Variants in FRYL observed in about 807,000 individuals in gnomAD.
FRYL encodes the protein FRY like transcription coactivator, also known as protein furry homolog-like.
Under a neutral mutation model 351.2 loss-of-function variants are expected in FRYL, and 150 were observed. That is an observed-to-expected ratio of 0.43 (90% CI 0.37 to 0.49). The LOEUF is 0.49. Ranked by LOEUF, FRYL falls within the 20% of genes least tolerant of loss-of-function variation. The pLI, the probability that FRYL is intolerant of heterozygous loss-of-function variation, is 0.00. For missense variants in FRYL, 3,036 were observed against 3,619.3 expected (o/e 0.84, Z 4.13); for synonymous variants, 1,153 against 1,257.1 (o/e 0.92, Z 1.75).
intron 1 of FRYL, among the ~76,000 whole-genome samples, chr4:48,718,841 TCCC>T: frequency 6.6e-6 from 1 of 151,208 alleles, no homozygotes; most frequent in African/African-American, 2.4e-5. Flanking sequence ...ACCATTATGC[TCCC>T]CCAACACACA....
intron 1 of FRYL, among the ~76,000 whole-genome samples, chr4:48,758,777 A>ATAAAAAC (rs1560364234): frequency 1.3e-5 from 2 of 152,154 alleles, no homozygotes; most frequent in African/African-American, 4.8e-5. Flanking sequence ...AAGACACATG[A>ATAAAAAC]ACACGTATGT....
chr4:48,764,581 C>T (rs1360832526), intron 1 of FRYL, among the ~76,000 whole-genome samples: 5 of 150,284 alleles, frequency 3.3e-5, no homozygotes, highest in Non-Finnish European at 7.4e-5. Context: ...CATTTCTATA[C>T]ACTAACAATA....
At chr4:48,750,387 G>A (rs1203307104) in intron 1 of FRYL, among the ~76,000 whole-genome samples, 1 of 150,104 alleles carries the variant, frequency 6.7e-6, no homozygotes, top group Non-Finnish European at 1.5e-5. Flanking sequence ...CTTGAGCCTG[G>A]GAGGTTGAGG....
chr4:48,726,448 G>A (rs778268272), intron 1 of FRYL, among the ~76,000 whole-genome samples: 12 of 152,144 alleles, frequency 7.9e-5, no homozygotes, highest in Admixed American at 2.6e-4. Flanking sequence ...TTGGGAGGCC[G>A]AGGTGGGTGG....
intron 1 of FRYL, among the ~76,000 whole-genome samples, chr4:48,778,763 T>C (rs1776297323): frequency 6.6e-6 from 1 of 152,186 alleles, no homozygotes; most frequent in African/African-American, 2.4e-5. Flanking sequence ...GAATCAACTT[T>C]ACAGACGATA....
intron 13 of FRYL, among the ~76,000 whole-genome samples, chr4:48,599,299 TGATATAGA>T (rs1745227424): frequency 6.6e-6 from 1 of 152,140 alleles, no homozygotes; most frequent in African/African-American, 2.4e-5. Context: ...GCACCTAAAT[TGATATAGA>T]TATAGGAATG....
At chr4:48,761,797 A>G (rs1232719796) in intron 1 of FRYL, among the ~76,000 whole-genome samples, 3 of 152,222 alleles carry the variant, frequency 2.0e-5, no homozygotes, top group Non-Finnish European at 4.4e-5. Context: ...ACTATATCAT[A>G]CAGCCTAGAT....
At chr4:48,694,233 G>T (rs1489077432) in intron 2 of FRYL, among the ~76,000 whole-genome samples, 1 of 151,792 alleles carries the variant, frequency 6.6e-6, no homozygotes, top group Non-Finnish European at 1.5e-5. Context: ...ACACATTAAA[G>T]ATATGTTTTC....
chr4:48,595,697 G>A lies in FRYL; in HGVS notation c.1141C>T (p.Arg381Cys), dbSNP rs754934675. 4 of 1,598,026 alleles carry A rather than the reference G, an allele frequency of 2.5e-6. No homozygotes were observed. Among genetic ancestry groups the A allele is most frequent in the Non-Finnish European group, 3.4e-6 (4 of 1,168,876 alleles). ...AGTGCTGACACTATGCTCATAAGAC[G>A]ACTACAGGGAAAAAGATCTAGTCAT... ...KCESNTVTQSRLMSIVSALFP... is the reference protein window; with the variant it reads ...KCESNTVTQSCLMSIVSALFP... The change falls in exon 15 of 64, where the codon CGT becomes TGT. Residue 381 changes from arginine (R) to cysteine (C), a missense_variant and splice_region_variant. By Grantham distance (180) the Arg-to-Cys change is radical. Around this residue, in one of 7 missense-constraint regions of FRYL, gnomAD observed 457 missense variants for 566.6 expected, o/e 0.81. Transcript: ENST00000358350.
intron 1 of FRYL, among the ~76,000 whole-genome samples, chr4:48,765,132 C>T (rs1490210494): frequency 6.6e-6 from 1 of 152,092 alleles, no homozygotes; most frequent in African/African-American, 2.4e-5. Flanking sequence ...TGTGAGCCAC[C>T]ATGCCCAGCC....
intron 1 of FRYL, among the ~76,000 whole-genome samples, chr4:48,763,106 TAAAAA>T (rs10683757): frequency 2.2e-4 from 20 of 91,534 alleles, no homozygotes; most frequent in African/African-American, 3.7e-4. Context: ...TACAGATCTG[TAAAAA>T]AAAAAAAAAA....
intron 1 of FRYL, among the ~76,000 whole-genome samples, chr4:48,779,543 C>T (rs1208144781): frequency 6.6e-6 from 1 of 151,932 alleles, no homozygotes; most frequent in Non-Finnish European, 1.5e-5. Flanking sequence ...CCCGCCGGGG[C>T]CCGCCAGCCG....
At chr4:48,778,351 G>A (rs1453027133) in intron 1 of FRYL, among the ~76,000 whole-genome samples, 1 of 151,378 alleles carries the variant, frequency 6.6e-6, no homozygotes, top group Non-Finnish European at 1.5e-5. Context: ...AAAAAAACTG[G>A]GTCACATGTT....
intron 24 of FRYL, among the ~76,000 whole-genome samples, 183 bp downstream of exon 24, chr4:48,575,847 A>G (rs373380914): frequency 3.9e-5 from 6 of 152,240 alleles, no homozygotes; most frequent in African/African-American, 1.4e-4. Flanking sequence ...TGTACGTATT[A>G]TTGATTCCAA....
intron 1 of FRYL, among the ~76,000 whole-genome samples, chr4:48,767,190 T>TA (rs758621986): frequency 1.3e-4 from 19 of 151,906 alleles, no homozygotes; most frequent in Non-Finnish European, 2.6e-4. Context: ...TTAGGAAACT[T>TA]ACAATCATGG....
chr4:48,748,795 C>A (rs559208772), intron 1 of FRYL, among the ~76,000 whole-genome samples: 1 of 152,224 alleles, frequency 6.6e-6, no homozygotes, highest in African/African-American at 2.4e-5. Context: ...AAGTAGATTG[C>A]GAAGCTATCA....
intron 27 of FRYL, among the ~76,000 whole-genome samples, chr4:48,568,959 T>G (rs1469229160): frequency 6.6e-6 from 1 of 152,318 alleles, no homozygotes; most frequent in East Asian, 1.9e-4. Flanking sequence ...AGAATTCATT[T>G]TTTTCCGTAG....
At chr4:48,616,279 AAGT>A (rs1427481673) in intron 7 of FRYL, among the ~76,000 whole-genome samples, 1 of 152,172 alleles carries the variant, frequency 6.6e-6, no homozygotes, top group Non-Finnish European at 1.5e-5. Context: ...AATGAGAATT[AAGT>A]TTATTTTTAT....
At chr4:48,619,197 C>CT in intron 7 of FRYL, 77 bp downstream of exon 7, 1 of 907,040 alleles carries the variant, frequency 1.1e-6, no homozygotes, top group Non-Finnish European at 1.8e-6. Context: ...GACACAGCAT[C>CT]TTAAAGTAAC....
Sources: gnomAD v4.1 joint callset for allele counts (sites outside exome capture counted in the v4.1 genomes callset) on GRCh38, gnomAD v4.1.1 for gene constraint, gnomAD v4.1.1 regional missense constraint, MANE v1.5 for transcripts, NCBI Gene and HGNC (gene_info 2026-07-23, HGNC 2026-07-21) for gene names.